Variants in RPS6KA2 observed in about 807,000 individuals in gnomAD.
RPS6KA2 encodes ribosomal protein S6 kinase alpha-2.
A neutral mutation model predicts 91.8 loss-of-function variants in RPS6KA2; 42 were observed. The ratio of observed to expected loss-of-function variants is 0.46; its 90% confidence interval spans 0.36 to 0.59. RPS6KA2 has a LOEUF of 0.59. Ranked by LOEUF, RPS6KA2 falls within the 20% of genes least tolerant of loss-of-function variation. The pLI, the probability that RPS6KA2 is intolerant of heterozygous loss-of-function variation, is 0.00. For missense variants in RPS6KA2, 798 were observed against 978.5 expected, an observed-to-expected ratio of 0.82 and a Z score of 2.46; for synonymous variants, 414 against 393.6, an observed-to-expected ratio of 1.05 and a Z score of -0.61.
intron 2 of RPS6KA2, among the ~76,000 whole-genome samples, chr6:166,646,278 G>A (rs913486126): frequency 3.3e-5 from 5 of 152,196 alleles, no homozygotes; most frequent in East Asian, 3.8e-4. Flanking sequence ...GAACAGAAGC[G>A]GCGGCTGGGA....
chr6:166,439,596 C>G (rs550769610), intron 14 of RPS6KA2, among the ~76,000 whole-genome samples: 2 of 152,142 alleles, frequency 1.3e-5, no homozygotes, highest in African/African-American at 2.4e-5. Context: ...CTCACAGGGC[C>G]GTGCACACAG....
At chr6:166,469,326 G>GT (rs60876703) in intron 11 of RPS6KA2, among the ~76,000 whole-genome samples, 15,771 of 137,680 alleles carry the variant, frequency 0.11, 1,250 homozygotes, top group East Asian at 0.4. Context: ...CGGCACTGTT[G>GT]TTTTTTTTTT....
intron 2 of RPS6KA2, among the ~76,000 whole-genome samples, chr6:166,840,830 G>A (rs188685907): frequency 1.1e-3 from 174 of 152,270 alleles, no homozygotes; most frequent in African/African-American, 4.0e-3. Flanking sequence ...AGGTGTGGTG[G>A]TGCATGCCTG....
chr6:166,523,356 C>G (rs1782921838), intron 3 of RPS6KA2, among the ~76,000 whole-genome samples: 2 of 152,128 alleles, frequency 1.3e-5, no homozygotes, highest in African/African-American at 4.8e-5. Flanking sequence ...ACCTTAAGTA[C>G]CATGAGCAGG....
intron 2 of RPS6KA2, among the ~76,000 whole-genome samples, chr6:166,788,384 C>T (rs1308670544): frequency 1.3e-5 from 2 of 152,188 alleles, no homozygotes; most frequent in African/African-American, 4.8e-5. Flanking sequence ...GACACATGCA[C>T]ACCTATGTTT....
At chr6:166,471,444 C>T (rs1452080430) in intron 10 of RPS6KA2, among the ~76,000 whole-genome samples, 3 of 152,368 alleles carry the variant, frequency 2.0e-5, no homozygotes, top group South Asian at 2.1e-4. Context: ...ACCCTGGAAG[C>T]TTGGCCAGGG....
In RPS6KA2 at chr6:166,612,745, C is replaced by T. The variant is rs1050528096; in HGVS notation, c.99+14176G>A. ...ACTGTGCAGTTGGGAAGCTCATCTC[C>T]TCTTACATTTGGATGTTTTCCCAAG... On this transcript the variant is annotated intron_variant, in intron 1 of 20. Coordinates refer to ENST00000265678, the MANE Select transcript of RPS6KA2 (RefSeq NM_021135.6). This position sits in a 1 kb window ranked among gnomAD's most constrained non-coding sequence, Gnocchi z 4.3. Among the ~76,000 whole-genome samples, 1 of 152,168 alleles carries T rather than the reference C, an allele frequency of 6.6e-6. No individual in the cohort carries two copies. Among genetic ancestry groups the T allele is most frequent in the Non-Finnish European group, 1.5e-5 (1 of 68,036 alleles).
At chr6:166,753,796 T>C (rs1777915796) in intron 2 of RPS6KA2, among the ~76,000 whole-genome samples, 1 of 152,232 alleles carries the variant, frequency 6.6e-6, no homozygotes, top group South Asian at 2.1e-4. Context: ...CTGAGCTGCG[T>C]TGCCCATGAG....
chr6:166,666,523 A>G lies in RPS6KA2; in HGVS notation c.124-127739T>C, dbSNP rs1779665042. On this transcript the variant is annotated intron_variant, in intron 2 of 21. Coordinates refer to the RPS6KA2 transcript ENST00000503859. The surrounding 1 kb of genome is among the most constrained non-coding windows in gnomAD (Gnocchi z 4.0). ...TGCTCAACGCCAGTCACTAATCCTT[A>G]GGGAAATGCAAATCAACACCACAAG... Among the ~76,000 whole-genome samples the G allele has an allele frequency of 1.3e-5, 2 of 152,242 alleles. No individual in the cohort carries two copies. Among genetic ancestry groups the G allele is most frequent in the African/African-American group, 4.8e-5 (2 of 41,466 alleles).
chr6:166,517,722 G>A (rs557464070), intron 3 of RPS6KA2, among the ~76,000 whole-genome samples: 124 of 151,718 alleles, frequency 8.2e-4, no homozygotes, highest in African/African-American at 2.8e-3. Context: ...TGATCCACCC[G>A]CCTCGGCCTC....
At chr6:166,480,255 A>C (rs1232438782) in intron 10 of RPS6KA2, among the ~76,000 whole-genome samples, 1 of 151,912 alleles carries the variant, frequency 6.6e-6, no homozygotes, top group African/African-American at 2.4e-5. Flanking sequence ...GAGAGGTAAA[A>C]ATGGGCTAGA....
chr6:166,482,567 G>A (rs1781266607), intron 10 of RPS6KA2, among the ~76,000 whole-genome samples: 1 of 152,198 alleles, frequency 6.6e-6, no homozygotes, highest in Non-Finnish European at 1.5e-5. Flanking sequence ...AGCAATGACA[G>A]GGAGCCACTC....
Position 166,762,909 on chromosome 6 carries a change from A to G in RPS6KA2, c.123+95291T>C, listed in dbSNP as rs571999493. Among the ~76,000 whole-genome samples, 5 of 152,356 alleles carry G rather than the reference A, an allele frequency of 3.3e-5. No homozygotes were observed. In the East Asian group the frequency reaches 9.6e-4, roughly 29 times the overall value. ...CCGTAGGTCAAAGAAACGGTTTCAC[A>G]TGCTTCTGTGATAACAGCTGCAAGC... On this transcript the variant is annotated intron_variant, in intron 2 of 21. Transcript: ENST00000503859.
chr6:166,576,577 T>C (rs1011188879), intron 1 of RPS6KA2, among the ~76,000 whole-genome samples: 1 of 152,104 alleles, frequency 6.6e-6, no homozygotes, highest in Non-Finnish European at 1.5e-5. Flanking sequence ...GCCCTAGAGA[T>C]TTGTGGAAGT....
At position 166,648,071 on chromosome 6, in the gene RPS6KA2, C is replaced by G. The variant is rs1787706549; in HGVS notation, c.124-109287G>C. Among the ~76,000 whole-genome samples the G allele has an allele frequency of 1.3e-5, 2 of 151,628 alleles. No individual in the cohort carries two copies. The highest frequency in any genetic ancestry group is 4.9e-5 in the African/African-American group (2 of 41,230). On this transcript the variant is annotated intron_variant, in intron 2 of 21. Coordinates refer to the RPS6KA2 transcript ENST00000503859. The surrounding 1 kb of genome is among the most constrained non-coding windows in gnomAD (Gnocchi z 4.8). ...ACATGCACATGCTCACACACATGCA[C>G]ACGCACATGGTCATACACACACGCT...
At chr6:166,590,806 G>A (rs575868660) in intron 1 of RPS6KA2, among the ~76,000 whole-genome samples, 33 of 151,972 alleles carry the variant, frequency 2.2e-4, no homozygotes, top group Middle Eastern at 6.8e-3. Context: ...CAACACTAAC[G>A]GATAAGTGAT....
At chr6:166,706,088 T>C (rs1176416738) in intron 2 of RPS6KA2, among the ~76,000 whole-genome samples, 1 of 152,216 alleles carries the variant, frequency 6.6e-6, no homozygotes, top group African/African-American at 2.4e-5. Context: ...ACTTCCAGCC[T>C]CCAGAACTGT....
intron 3 of RPS6KA2, among the ~76,000 whole-genome samples, chr6:166,522,419 TG>T (rs1782889855): frequency 6.6e-6 from 1 of 152,112 alleles, no homozygotes; most frequent in South Asian, 2.1e-4. Context: ...CACACCTCTG[TG>T]GGGGGCTGAG....
chr6:166,682,961 T>G (rs538603937), intron 2 of RPS6KA2, among the ~76,000 whole-genome samples: 78 of 152,122 alleles, frequency 5.1e-4, no homozygotes, highest in Admixed American at 1.8e-3. Flanking sequence ...ATGAATGAAG[T>G]AGGTAAGTGA....
Sources: gnomAD v4.1 joint callset for allele counts (sites outside exome capture counted in the v4.1 genomes callset) on GRCh38, gnomAD v4.1.1 for gene constraint, Gnocchi (gnomAD v3.1) non-coding constraint, MANE v1.5 for transcripts, NCBI Gene and HGNC (gene_info 2026-07-23, HGNC 2026-07-21) for gene names.